The following EPHA3 variants were observed in gnomAD, a reference collection of about 807,000 sequenced individuals.
The protein encoded by EPHA3 is EPH receptor A3.
EPHA3 carries 42 observed loss-of-function variants against 107.1 expected under a neutral mutation model. The observed-to-expected ratio is 0.39, with a 90% CI of 0.31 to 0.51. The LOEUF is 0.51. EPHA3 is among the 20% of genes least tolerant of loss of function. The pLI, the probability that EPHA3 is intolerant of heterozygous loss-of-function variation, is 0.78. For missense variants in EPHA3, 1,183 were observed against 1,211.2 expected (o/e 0.98, Z 0.35); for synonymous variants, 461 against 424.8 (o/e 1.09, Z -1.05).
At chr3:89,197,614 T>C (rs1705868928) in intron 2 of EPHA3, among the ~76,000 whole-genome samples, 1 of 152,144 alleles carries the variant, frequency 6.6e-6, no homozygotes, top group African/African-American at 2.4e-5. Context: ...TGGAATACTA[T>C]TGGCAAAGAT....
intron 5 of EPHA3, among the ~76,000 whole-genome samples, chr3:89,356,181 G>A (rs1169778542): frequency 1.3e-5 from 2 of 150,792 alleles, no homozygotes; most frequent in Non-Finnish European, 3.0e-5. Flanking sequence ...TTTTATGGCT[G>A]CATAGTATTC....
chr3:89,124,020 T>G (rs1347161536), intron 1 of EPHA3, among the ~76,000 whole-genome samples: 4 of 152,174 alleles, frequency 2.6e-5, no homozygotes, highest in Non-Finnish European at 4.4e-5. Context: ...TAAGAAAGTT[T>G]TCTTTTTGTC....
chr3:89,227,811 C>T (rs1267624208), intron 3 of EPHA3, among the ~76,000 whole-genome samples: 1 of 151,840 alleles, frequency 6.6e-6, no homozygotes, highest in Non-Finnish European at 1.5e-5. Context: ...TTATTTGTAA[C>T]GTTCCATGTC....
At chr3:89,380,429 A>G (rs545580015) in intron 5 of EPHA3, among the ~76,000 whole-genome samples, 1 of 152,268 alleles carries the variant, frequency 6.6e-6, no homozygotes, top group South Asian at 2.1e-4. Context: ...TTAGCAGTTT[A>G]TTATTTGTCA....
chr3:89,417,729 CACTT>C (rs1709276656), intron 10 of EPHA3, among the ~76,000 whole-genome samples: 1 of 151,448 alleles, frequency 6.6e-6, no homozygotes, highest in Non-Finnish European at 1.5e-5. Flanking sequence ...ATCTTCTCTA[CACTT>C]CCTCAAAGGG....
intron 3 of EPHA3, among the ~76,000 whole-genome samples, chr3:89,273,817 G>T (rs894875150): frequency 4.6e-5 from 7 of 151,858 alleles, no homozygotes; most frequent in Admixed American, 2.6e-4. Flanking sequence ...CTGCCAGAAA[G>T]GATATTTTCT....
chr3:89,125,063 A>T (rs1704064396), intron 1 of EPHA3, among the ~76,000 whole-genome samples: 1 of 151,844 alleles, frequency 6.6e-6, no homozygotes, highest in South Asian at 2.1e-4. Flanking sequence ...TACTAAATGG[A>T]GTCTATGTAA....
At chr3:89,162,752 AG>A (rs1273955595) in intron 2 of EPHA3, among the ~76,000 whole-genome samples, 2 of 152,288 alleles carry the variant, frequency 1.3e-5, no homozygotes, top group East Asian at 3.9e-4. Flanking sequence ...GCTTTTAGAA[AG>A]ATCTTGAATT....
At chr3:89,280,380 A>C (rs1705912777) in intron 3 of EPHA3, among the ~76,000 whole-genome samples, 1 of 152,116 alleles carries the variant, frequency 6.6e-6, no homozygotes, top group Non-Finnish European at 1.5e-5. Context: ...AAAAGCCTCC[A>C]GAGGTTGAAG....
intron 1 of EPHA3, among the ~76,000 whole-genome samples, chr3:89,110,528 A>C (rs1274533757): frequency 6.6e-6 from 1 of 152,000 alleles, no homozygotes; most frequent in East Asian, 1.9e-4. Flanking sequence ...ATAGGGACTC[A>C]TCAACGATAA....
intron 3 of EPHA3, among the ~76,000 whole-genome samples, chr3:89,269,599 T>G (rs867279422): frequency 9.2e-5 from 14 of 151,728 alleles, no homozygotes; most frequent in Admixed American, 3.3e-4. Flanking sequence ...AACAATTTTT[T>G]TTTCTTTCTT....
chr3:89,350,261 A>G (rs1576328069), intron 5 of EPHA3, among the ~76,000 whole-genome samples: 1 of 149,916 alleles, frequency 6.7e-6, no homozygotes. Context: ...CACCAATCAG[A>G]CGTAGATTTG....
intron 3 of EPHA3, among the ~76,000 whole-genome samples, chr3:89,259,153 T>C (rs1466626591): frequency 2.0e-5 from 3 of 152,188 alleles, no homozygotes; most frequent in Non-Finnish European, 2.9e-5. Context: ...ATTTTTTAAA[T>C]TACTTGCAAG....
intron 16 of EPHA3, among the ~76,000 whole-genome samples, chr3:89,477,384 G>A (rs537597590): frequency 2.6e-5 from 4 of 152,270 alleles, no homozygotes; most frequent in African/African-American, 9.6e-5. Context: ...AGGTCATCAG[G>A]AACCTTCTCA....
intron 3 of EPHA3, among the ~76,000 whole-genome samples, chr3:89,281,407 G>T (rs752017404): frequency 6.6e-6 from 1 of 152,134 alleles, no homozygotes; most frequent in African/African-American, 2.4e-5. Context: ...ACCACTAGCA[G>T]ATTTCTGAGC....
At chr3:89,367,275 A>C (rs1165980276) in intron 5 of EPHA3, among the ~76,000 whole-genome samples, 1 of 150,620 alleles carries the variant, frequency 6.6e-6, no homozygotes, top group Non-Finnish European at 1.5e-5. Flanking sequence ...AATTTCAACT[A>C]TTTCCCTTCT....
intron 3 of EPHA3, among the ~76,000 whole-genome samples, chr3:89,333,315 G>A (rs1240206161): frequency 1.3e-5 from 2 of 151,994 alleles, no homozygotes; most frequent in African/African-American, 4.8e-5. Flanking sequence ...GAAATCAGCA[G>A]GTTCCCAAAA....
chr3:89,170,677 C>A (rs576861430), intron 2 of EPHA3, among the ~76,000 whole-genome samples: 27 of 152,156 alleles, frequency 1.8e-4, no homozygotes, highest in African/African-American at 2.2e-4. Flanking sequence ...AAATATTTAA[C>A]CCTAAGTATC....
chr3:89,269,040 T>G (rs1158048415), intron 3 of EPHA3, among the ~76,000 whole-genome samples: 1 of 152,078 alleles, frequency 6.6e-6, no homozygotes, highest in African/African-American at 2.4e-5. Flanking sequence ...CATTACTACT[T>G]TTACTTTTCT....
Sources: gnomAD v4.1 joint callset for allele counts (sites outside exome capture counted in the v4.1 genomes callset) on GRCh38, gnomAD v4.1.1 for gene constraint, MANE v1.5 for transcripts, NCBI Gene and HGNC (gene_info 2026-07-23, HGNC 2026-07-21) for gene names.